Variants in ACACA observed in about 807,000 individuals in gnomAD.
The protein encoded by ACACA is acetyl-CoA carboxylase 1.
A neutral mutation model predicts 296.1 loss-of-function variants in ACACA; 103 were observed. That is an observed-to-expected ratio of 0.35 (90% CI 0.30 to 0.41). The LOEUF (loss-of-function observed/expected upper bound fraction) is 0.41, where lower values mean the gene tolerates loss of function less well. ACACA is among the 10% of genes least tolerant of loss of function. ACACA has a pLI of 1.00. For synonymous variants in ACACA, 953 were observed against 1,038.6 expected (o/e 0.92, Z 1.58); for missense variants, 1,554 against 2,989.7 (o/e 0.52, Z 11.20).
At chr17:37,274,573 A>T in intron 8 of ACACA, 1 of 952,732 alleles carries the variant, frequency 1.0e-6, no homozygotes, top group Non-Finnish European at 1.2e-6. Flanking sequence ...CAAAACAAAC[A>T]AAAAAAGAAC....
At chr17:37,142,021 T>G (rs573386715) in intron 45 of ACACA, among the ~76,000 whole-genome samples, 17 of 151,826 alleles carry the variant, frequency 1.1e-4, no homozygotes, top group East Asian at 9.6e-4. Flanking sequence ...TGTTTTTTTT[T>G]TTTTAATCTA....
intron 5 of ACACA, among the ~76,000 whole-genome samples, chr17:37,279,815 T>C (rs943275410): frequency 3.9e-5 from 6 of 152,018 alleles, no homozygotes; most frequent in Non-Finnish European, 7.4e-5. Flanking sequence ...TCACCTATTG[T>C]CCCACCTCAA....
chr17:37,275,687 T>C (rs1450557795), intron 8 of ACACA, among the ~76,000 whole-genome samples: 4 of 151,972 alleles, frequency 2.6e-5, no homozygotes, highest in African/African-American at 7.3e-5. Flanking sequence ...CACAAAACCA[T>C]ATACATGTTT....
chr17:37,264,146 G>C (rs2081638916), intron 10 of ACACA, among the ~76,000 whole-genome samples: 1 of 152,000 alleles, frequency 6.6e-6, no homozygotes, highest in South Asian at 2.1e-4. Context: ...GCATCACAAA[G>C]GTAAACAACA....
At chr17:37,337,907 C>T (rs1301894925) in intron 2 of ACACA, among the ~76,000 whole-genome samples, 2 of 151,886 alleles carry the variant, frequency 1.3e-5, no homozygotes, top group African/African-American at 4.8e-5. Flanking sequence ...ACCATCCTGG[C>T]TAACATGGTG....
chr17:37,243,849 A>C (rs1361031094), intron 21 of ACACA, among the ~76,000 whole-genome samples: 2 of 152,204 alleles, frequency 1.3e-5, no homozygotes, highest in Non-Finnish European at 2.9e-5. Flanking sequence ...ATCTGAATTC[A>C]CTATCATATA....
intron 29 of ACACA, among the ~76,000 whole-genome samples, chr17:37,216,148 A>C (rs1430199417): frequency 2.9e-5 from 4 of 135,816 alleles, no homozygotes; most frequent in South Asian, 2.3e-4. Flanking sequence ...ACACACACAC[A>C]CACACACACA....
intron 45 of ACACA, among the ~76,000 whole-genome samples, chr17:37,146,154 C>G (rs1455706016): frequency 6.6e-6 from 1 of 152,002 alleles, no homozygotes; most frequent in Non-Finnish European, 1.5e-5. Flanking sequence ...AAAAGAAATC[C>G]TTTAAAAAGT....
chr17:37,166,673 T>A (rs2076680130), intron 41 of ACACA, among the ~76,000 whole-genome samples: 1 of 152,228 alleles, frequency 6.6e-6, no homozygotes, highest in South Asian at 2.1e-4. Flanking sequence ...AAAGTCAAGC[T>A]GTCTTGGTTC....
intron 3 of ACACA, among the ~76,000 whole-genome samples, chr17:37,313,798 T>G (rs2046957470): frequency 6.6e-6 from 1 of 151,972 alleles, no homozygotes. Context: ...AGTATGGAGG[T>G]TCCTCAAAAA....
At chr17:37,304,682 C>G (rs1598442056) in intron 3 of ACACA, among the ~76,000 whole-genome samples, 1 of 151,544 alleles carries the variant, frequency 6.6e-6, no homozygotes, top group South Asian at 2.1e-4. Flanking sequence ...ACCAGCTACT[C>G]GGGAGGCTGA....
intron 52 of ACACA, 61 bp downstream of exon 52, chr17:37,111,470 T>A (rs1484650184): frequency 3.3e-6 from 4 of 1,226,570 alleles, no homozygotes; most frequent in Admixed American, 1.7e-5. Flanking sequence ...GGCCTATGAA[T>A]GCACTCATTA....
At position 37,321,908 on chromosome 17, in the gene ACACA, C is replaced by A. The variant is rs1454385274; in HGVS notation, c.338+8265G>T. On this transcript the variant is annotated intron_variant, in intron 3 of 55. Transcript: ENST00000616317. ...GCAGTAAGCCGAGATCGTGCCACTGCACCCAGCCTGGGCGACAGAGCAAGA... is the reference window on the plus strand; with the variant it reads ...GCAGTAAGCCGAGATCGTGCCACTGAACCCAGCCTGGGCGACAGAGCAAGA... Among the ~76,000 whole-genome samples the A allele has an allele frequency of 3.3e-5, 5 of 150,210 alleles. No homozygotes were observed. In the South Asian group the frequency reaches 8.4e-4, roughly 25 times the overall value.
chr17:37,153,279 G>C (rs2076113554), intron 43 of ACACA, among the ~76,000 whole-genome samples: 1 of 152,140 alleles, frequency 6.6e-6, no homozygotes, highest in South Asian at 2.1e-4. Flanking sequence ...AAATAAGCAT[G>C]AAGAAATTGG....
At chr17:37,311,976 G>A (rs1374511557) in intron 3 of ACACA, among the ~76,000 whole-genome samples, 5 of 152,084 alleles carry the variant, frequency 3.3e-5, no homozygotes, top group Admixed American at 6.6e-5. Flanking sequence ...CCTCAGATGG[G>A]CATGGTGACT....
At chr17:37,355,813 G>A (rs968088489) in intron 1 of ACACA, among the ~76,000 whole-genome samples, 6 of 151,512 alleles carry the variant, frequency 4.0e-5, no homozygotes, top group Non-Finnish European at 8.8e-5. Context: ...AACCGAGATT[G>A]TATCATTGCA....
chr17:37,120,586 C>T (rs2074482422), intron 50 of ACACA, among the ~76,000 whole-genome samples: 1 of 152,150 alleles, frequency 6.6e-6, no homozygotes, highest in East Asian at 1.9e-4. Flanking sequence ...CTTTAGAACC[C>T]CAAATTCTCC....
chr17:37,370,372 C>T (rs888743452), intron 1 of ACACA, among the ~76,000 whole-genome samples: 8 of 150,972 alleles, frequency 5.3e-5, no homozygotes, highest in Admixed American at 1.3e-4. Flanking sequence ...CCAGCCCAGA[C>T]GCGGTGGCTC....
Position 37,246,961 on chromosome 17 carries a change from A to T in ACACA, c.2325T>A (p.Ile775=), listed in dbSNP as rs1274841211. 3 of 1,614,046 alleles carry T rather than the reference A, an allele frequency of 1.9e-6. No homozygotes were observed. The highest frequency in any genetic ancestry group is 2.5e-6 in the Non-Finnish European group (3 of 1,180,032). ...TCTCAAACACACAGGTTTTATTGCC[A>T]ATTGTGATGCGATATCTAGGAGACA... ...KEEVDRYRIT[I]GNKTCVFEKE... The change falls in exon 19 of 56, where the codon ATT becomes ATA. Residue 775 remains isoleucine (I), a synonymous_variant. Transcript: ENST00000616317.
Sources: gnomAD v4.1 joint callset for allele counts (sites outside exome capture counted in the v4.1 genomes callset) on GRCh38, gnomAD v4.1.1 for gene constraint, MANE v1.5 for transcripts, NCBI Gene and HGNC (gene_info 2026-07-23, HGNC 2026-07-21) for gene names.